FGFR2: variants seen among roughly 807,000 people sequenced by gnomAD.
FGFR2 encodes BEK fibroblast growth factor receptor.
FGFR2 carries 19 observed loss-of-function variants against 95.9 expected under a neutral mutation model. The ratio of observed to expected loss-of-function variants is 0.20; its 90% CI spans 0.14 to 0.29. The LOEUF (loss-of-function observed/expected upper bound fraction) is 0.29, where lower values mean the gene tolerates loss of function less well. Ranked by LOEUF, FGFR2 falls within the 10% of genes least tolerant of loss-of-function variation. The probability of loss-of-function intolerance (pLI) is 1.00; values close to 1 mark genes in which losing one functional copy is unlikely to be tolerated. For missense variants in FGFR2, 707 were observed against 1,056.9 expected (o/e 0.67, Z 4.59); for synonymous variants, 392 against 393.3 (o/e 1.00, Z 0.04).
chr10:121,595,481 G>GGT (rs148572905), intron 1 of FGFR2, among the ~76,000 whole-genome samples: 1 of 151,686 alleles, frequency 6.6e-6, no homozygotes, highest in East Asian at 1.9e-4. Flanking sequence ...GTGTATGCAC[G>GGT]GTGTGTGTGT....
At chr10:121,482,160 A>C in intron 17 of FGFR2, 1 of 1,612,832 alleles carries the variant, frequency 6.2e-7, no homozygotes. Context: ...TTCTCAATGA[A>C]GCCATAAACT....
At chr10:121,523,698 C>G (rs1340821165) in intron 6 of FGFR2, among the ~76,000 whole-genome samples, 2 of 152,170 alleles carry the variant, frequency 1.3e-5, no homozygotes, top group Non-Finnish European at 1.5e-5. Context: ...CAGTTTTGCA[C>G]TTGTACATGC....
intron 6 of FGFR2, chr10:121,538,063 A>T (rs1356312122): frequency 2.1e-6 from 1 of 472,106 alleles, no homozygotes. Context: ...CACAGAGGAA[A>T]TAGATGCCAG....
At chr10:121,480,195 C>A (rs942001884) in intron 17 of FGFR2, 174 bp from the exon 18 acceptor site, 3 of 804,854 alleles carry the variant, frequency 3.7e-6, no homozygotes, top group South Asian at 1.4e-5. Flanking sequence ...GGACAGGAGA[C>A]CCCTAGAAGG....
At chr10:121,513,375 G>A (rs1398798468) in intron 9 of FGFR2, among the ~76,000 whole-genome samples, 3 of 152,192 alleles carry the variant, frequency 2.0e-5, no homozygotes, top group Non-Finnish European at 4.4e-5. Context: ...AAAGCCAGCT[G>A]GCACTGGGGA....
chr10:121,479,858 C>A lies in FGFR2; in HGVS notation c.2465G>T (p.Ter822LeuextTer41). Reference protein sequence around the residue: ...YPHINGSVKT* With the variant: ...YPHINGSVKTL Reference sequence around the variant, plus strand: ...TTGGGGACAGGCAGACACAGTCATTCATGTTTTAACACTGCCGTTTATGTG... The same window carrying A: ...TTGGGGACAGGCAGACACAGTCATTAATGTTTTAACACTGCCGTTTATGTG... Residue 822 changes from the stop codon to leucine (L), a stop_lost, in exon 18 of 18, where the codon TGA becomes TTA. Transcript: ENST00000358487. 1.2e-6 allele frequency: 2 copies of A among 1,614,154 alleles called. No homozygotes were observed. The highest frequency in any genetic ancestry group is 1.1e-5 in the South Asian group (1 of 91,078).
At chr10:121,527,644 A>G (rs1404201363) in intron 6 of FGFR2, 1 of 152,172 alleles carries the variant, frequency 6.6e-6, no homozygotes, top group Non-Finnish European at 1.5e-5. Context: ...CAGAGTGAAC[A>G]AGATCAATTT....
At chr10:121,495,973 C>A (rs183867459) in intron 13 of FGFR2, among the ~76,000 whole-genome samples, 3 of 152,310 alleles carry the variant, frequency 2.0e-5, no homozygotes, top group Admixed American at 2.0e-4. Context: ...TGCAGGCAGT[C>A]CACCTCAGGG....
chr10:121,556,107 TGGATGGATGGATGGATGGATGGAC>T (rs1284677070), intron 4 of FGFR2, among the ~76,000 whole-genome samples: 2 of 150,798 alleles, frequency 1.3e-5, no homozygotes, highest in African/African-American at 5.0e-5. Context: ...CGTTATTGGA[TGGATGGATGGATGGATGGATGGAC>T]GGACGGATGG....
At chr10:121,507,873 T>C (rs1314262419) in intron 9 of FGFR2, among the ~76,000 whole-genome samples, 1 of 152,176 alleles carries the variant, frequency 6.6e-6, no homozygotes, top group Admixed American at 6.5e-5. Flanking sequence ...TATCTGTGGG[T>C]TCCGCATTCA....
intron 2 of FGFR2, among the ~76,000 whole-genome samples, chr10:121,574,941 G>A (rs1227692244): frequency 6.6e-6 from 1 of 152,200 alleles, no homozygotes; most frequent in Non-Finnish European, 1.5e-5. Context: ...AGTTGTCAGG[G>A]TGTCTGGTAG....
chr10:121,491,647 G>A (rs1846141766), intron 13 of FGFR2, among the ~76,000 whole-genome samples: 1 of 152,034 alleles, frequency 6.6e-6, no homozygotes, highest in African/African-American at 2.4e-5. Context: ...AAGGCAGGCG[G>A]ATCCCGAGGT....
chr10:121,479,967 T>A lies in FGFR2; in HGVS notation c.2356A>T (p.Thr786Ser), dbSNP rs2133683401. 1 of 1,614,182 alleles carries A rather than the reference T, an allele frequency of 6.2e-7. No homozygotes were observed. Among genetic ancestry groups the A allele is most frequent in the Non-Finnish European group, 8.5e-7 (1 of 1,180,036 alleles). ...LEQYSPSYPD[T>S]RSSCSSGDDS... ...TCTCCTGAAGAACAAGAACTTCTTG[T>A]GTCAGGGTAACTAGGTGAATACTGT... Residue 786 changes from threonine (T) to serine (S), a missense_variant, in exon 18 of 18, where the codon ACA (threonine) becomes TCA (serine). Around this residue, in one of 7 missense-constraint regions of FGFR2, gnomAD observed 51 missense variants for 50.2 expected, o/e 1.01. Coordinates refer to ENST00000358487, the MANE Select transcript of FGFR2 (RefSeq NM_000141.5).
chr10:121,490,530 T>C (rs1845997928), intron 13 of FGFR2, among the ~76,000 whole-genome samples: 1 of 152,166 alleles, frequency 6.6e-6, no homozygotes, highest in East Asian at 1.9e-4. Flanking sequence ...CACTTTCATA[T>C]AGCAAGATTT....
At chr10:121,563,950 G>A (rs772427400) in intron 4 of FGFR2, among the ~76,000 whole-genome samples, 2 of 152,196 alleles carry the variant, frequency 1.3e-5, no homozygotes, top group Non-Finnish European at 2.9e-5. Flanking sequence ...GTAGGAGGCC[G>A]GGTTTCTCAC....
intron 13 of FGFR2, among the ~76,000 whole-genome samples, chr10:121,490,300 GA>G (rs1440787217): frequency 6.6e-6 from 1 of 151,856 alleles, no homozygotes; most frequent in Non-Finnish European, 1.5e-5. Flanking sequence ...AAGTAGCTGG[GA>G]TTGCAGGTGC....
rs41302317 is a variant in FGFR2 at position 121,552,577 on chromosome 10, A to T, written c.455-1118T>A. On this transcript the variant is annotated intron_variant, in intron 4 of 17. Transcript: ENST00000358487. ...GCCAGAGCCCACTATCTTCAACCCT[A>T]CTCTCCACTGCTAAGAAGATGCAGC... 2.8e-4 allele frequency among the ~76,000 whole-genome samples: 43 copies of T among 151,956 alleles called. No homozygotes were observed. In the East Asian group the frequency reaches 8.3e-3, roughly 29 times the overall value.
intron 1 of FGFR2, among the ~76,000 whole-genome samples, chr10:121,597,203 C>T (rs928359401): frequency 5.9e-5 from 9 of 152,192 alleles, no homozygotes; most frequent in African/African-American, 2.2e-4. Flanking sequence ...TCGGAGCCAG[C>T]GCCACGCAGG....
At chr10:121,548,400 G>A (rs1009164445) in intron 5 of FGFR2, among the ~76,000 whole-genome samples, 1 of 151,750 alleles carries the variant, frequency 6.6e-6, no homozygotes, top group Non-Finnish European at 1.5e-5. Context: ...CTCCACAGGG[G>A]CAGGCTAAAG....
Sources: allele counts gnomAD v4.1 joint callset (sites outside exome capture counted in the v4.1 genomes callset), GRCh38; gene constraint gnomAD v4.1.1; regional missense constraint gnomAD v4.1.1; transcripts MANE v1.5; gene names NCBI Gene and HGNC (gene_info 2026-07-23, HGNC 2026-07-21).